PARM1: variants seen among roughly 807,000 people sequenced by gnomAD.
PARM1 encodes prostate androgen-regulated mucin-like protein 1, also known as WSC4, cell wall integrity and stress response component 4 homolog.
In PARM1, 14 loss-of-function variants were observed where a neutral mutation model predicts 24.6. That is an observed-to-expected ratio of 0.57 (90% CI 0.38 to 0.89). The LOEUF (loss-of-function observed/expected upper bound fraction) is 0.89. PARM1 is among the 40% of genes least tolerant of loss of function. PARM1 has a pLI of 0.00. For synonymous variants in PARM1, 179 were observed against 156.6 expected (o/e 1.14, Z -1.07); for missense variants, 362 against 380.4 (o/e 0.95, Z 0.40).
intron 1 of PARM1, among the ~76,000 whole-genome samples, chr4:75,002,528 A>G (rs1031430624): frequency 1.3e-5 from 2 of 152,058 alleles, no homozygotes; most frequent in East Asian, 3.9e-4. Context: ...CTGGTCTCCC[A>G]GGCCAGTGTG....
chr4:75,034,085 G>A (rs538820886), intron 3 of PARM1, 124 bp downstream of exon 3: 2 of 754,592 alleles, frequency 2.7e-6, no homozygotes, highest in Admixed American at 2.6e-5. Flanking sequence ...TGGCAGAGAA[G>A]TGAAAAATGG....
intron 3 of PARM1, among the ~76,000 whole-genome samples, chr4:75,039,953 C>G (rs1337255783): frequency 1.3e-5 from 2 of 152,190 alleles, no homozygotes; most frequent in African/African-American, 4.8e-5. Context: ...ATCCACCTTT[C>G]CATACTGAGT....
chr4:75,002,392 C>CCCT (rs1722697268), intron 1 of PARM1, among the ~76,000 whole-genome samples: 1 of 152,022 alleles, frequency 6.6e-6, no homozygotes, highest in Non-Finnish European at 1.5e-5. Flanking sequence ...GACTAGGCAA[C>CCCT]AGATGTCTGA....
At chr4:74,990,252 CT>C (rs1722439958) in intron 1 of PARM1, among the ~76,000 whole-genome samples, 1 of 152,122 alleles carries the variant, frequency 6.6e-6, no homozygotes, top group Non-Finnish European at 1.5e-5. Context: ...ACATGGAAAT[CT>C]GTAGTACATC....
At chr4:74,966,466 A>C (rs1328741696) in intron 1 of PARM1, among the ~76,000 whole-genome samples, 1 of 152,164 alleles carries the variant, frequency 6.6e-6, no homozygotes, top group African/African-American at 2.4e-5. Context: ...GGATTCTTGA[A>C]GGCAAGCCAA....
At chr4:75,030,545 T>G (rs2109807117) in intron 2 of PARM1, among the ~76,000 whole-genome samples, 1 of 152,310 alleles carries the variant, frequency 6.6e-6, no homozygotes, top group Admixed American at 6.5e-5. Flanking sequence ...CAAAGAGGTT[T>G]TGGTTCACAG....
intron 1 of PARM1, among the ~76,000 whole-genome samples, chr4:74,982,066 T>A (rs1352187178): frequency 2.0e-5 from 3 of 152,092 alleles, no homozygotes; most frequent in Non-Finnish European, 4.4e-5. Context: ...AATGATAGAC[T>A]AGATAATGAA....
intron 1 of PARM1, among the ~76,000 whole-genome samples, chr4:75,000,300 AT>A (rs1477023482): frequency 6.6e-6 from 1 of 152,182 alleles, no homozygotes; most frequent in East Asian, 1.9e-4. Flanking sequence ...GTGGCCTATC[AT>A]TTATTTATAT....
At chr4:74,976,818 TA>T (rs1722145887) in intron 1 of PARM1, among the ~76,000 whole-genome samples, 1 of 152,024 alleles carries the variant, frequency 6.6e-6, no homozygotes, top group Admixed American at 6.6e-5. Flanking sequence ...CCCAGGTGAA[TA>T]GGGTCTGGAG....
intron 1 of PARM1, among the ~76,000 whole-genome samples, chr4:74,951,954 G>A (rs753142553): frequency 2.0e-5 from 3 of 152,212 alleles, no homozygotes; most frequent in Non-Finnish European, 4.4e-5. Context: ...TATATACCCA[G>A]TAATGGGATT....
chr4:74,997,317 C>A (rs1181836444), intron 1 of PARM1, among the ~76,000 whole-genome samples: 1 of 152,148 alleles, frequency 6.6e-6, no homozygotes, highest in Non-Finnish European at 1.5e-5. Flanking sequence ...GCACATTTGG[C>A]TGGACAGAAA....
intron 2 of PARM1, among the ~76,000 whole-genome samples, chr4:75,025,854 T>C (rs924687521): frequency 2.6e-5 from 4 of 152,240 alleles, no homozygotes; most frequent in African/African-American, 9.6e-5. Context: ...CATATAGATG[T>C]TGGGATCCTA....
chr4:74,947,111 C>T (rs970646384), intron 1 of PARM1, among the ~76,000 whole-genome samples: 3 of 152,182 alleles, frequency 2.0e-5, no homozygotes, highest in Admixed American at 6.5e-5. Context: ...CTGCCAACAC[C>T]GTGGAGTGTG....
intron 1 of PARM1, among the ~76,000 whole-genome samples, chr4:74,945,945 G>A (rs527849860): frequency 6.6e-6 from 1 of 152,302 alleles, no homozygotes; most frequent in South Asian, 2.1e-4. Context: ...GAGGGCTGGA[G>A]CAGAACTGAC....
intron 1 of PARM1, chr4:74,999,219 T>C (rs1342708860): frequency 6.6e-6 from 1 of 152,236 alleles, no homozygotes. Flanking sequence ...ATCCCAACAC[T>C]GTAAGTTTTA....
chr4:75,036,000 A>C (rs1167709379), intron 3 of PARM1, among the ~76,000 whole-genome samples: 1 of 152,148 alleles, frequency 6.6e-6, no homozygotes, highest in Middle Eastern at 3.2e-3. Context: ...TTACGAGTTA[A>C]ATTGGCTTTT....
At chr4:75,045,328 G>A (rs192711446) in intron 3 of PARM1, among the ~76,000 whole-genome samples, 2 of 152,314 alleles carry the variant, frequency 1.3e-5, no homozygotes, top group Admixed American at 1.3e-4. Flanking sequence ...GCTTTGCAAG[G>A]CATTTTAATG....
intron 1 of PARM1, among the ~76,000 whole-genome samples, chr4:74,964,283 C>T (rs372711818): frequency 1.3e-5 from 2 of 152,178 alleles, no homozygotes; most frequent in African/African-American, 4.8e-5. Flanking sequence ...TGGAGAACAG[C>T]ATTCACAATC....
At chr4:74,960,208 C>A (rs1446946988) in intron 1 of PARM1, among the ~76,000 whole-genome samples, 1 of 152,194 alleles carries the variant, frequency 6.6e-6, no homozygotes, top group Non-Finnish European at 1.5e-5. Context: ...CATTGTTGCA[C>A]CCCTTTCTTC....
Sources: gnomAD v4.1 joint callset for allele counts (sites outside exome capture counted in the v4.1 genomes callset) on GRCh38, gnomAD v4.1.1 for gene constraint, MANE v1.5 for transcripts, NCBI Gene and HGNC (gene_info 2026-07-23, HGNC 2026-07-21) for gene names.